SCMH1: variants seen among roughly 807,000 people sequenced by gnomAD.
SCMH1 encodes polycomb protein SCMH1.
Under a neutral mutation model 70.8 loss-of-function variants are expected in SCMH1, and 37 were observed. The observed-to-expected ratio is 0.52, with a 90% CI of 0.40 to 0.69. The LOEUF (loss-of-function observed/expected upper bound fraction) is 0.69, where lower values mean the gene tolerates loss of function less well. Ranked by LOEUF, SCMH1 falls within the 30% of genes least tolerant of loss-of-function variation. The pLI is 0.00. For synonymous variants in SCMH1, 292 were observed against 307.4 expected (o/e 0.95, Z 0.52); for missense variants, 607 against 827.3 (o/e 0.73, Z 3.27).
chr1:41,161,231 T>C, intron 3 of SCMH1, 133 bp downstream of exon 3: 1 of 1,396,648 alleles, frequency 7.2e-7, no homozygotes, highest in Non-Finnish European at 9.8e-7. Flanking sequence ...CCAATACCTC[T>C]GTAAACTGCA....
exon 9 of SCMH1, chr1:41,075,336 T>C (rs1291295208): frequency 6.2e-7 from 1 of 1,614,172 alleles, no homozygotes. Flanking sequence ...GCTTCTTTCC[T>C]GGTTTACGCC....
intron 1 of SCMH1, among the ~76,000 whole-genome samples, chr1:41,226,230 C>G (rs1284631825): frequency 6.6e-6 from 1 of 152,054 alleles, no homozygotes; most frequent in East Asian, 1.9e-4. Flanking sequence ...TTTTATTACA[C>G]TTACAAAATT....
chr1:41,227,340 G>A (rs1008637265), intron 1 of SCMH1, among the ~76,000 whole-genome samples: 3 of 152,096 alleles, frequency 2.0e-5, no homozygotes, highest in African/African-American at 4.8e-5. Context: ...TCACCTCCTC[G>A]TAGAGCACTA....
intron 9 of SCMH1, among the ~76,000 whole-genome samples, chr1:41,074,914 G>T (rs1348088661): frequency 6.6e-6 from 1 of 152,224 alleles, no homozygotes; most frequent in Admixed American, 6.5e-5. Context: ...CCAGGCTGCA[G>T]TGCAGTGGCA....
At chr1:41,077,200 G>A (rs534746753) in intron 8 of SCMH1, among the ~76,000 whole-genome samples, 1 of 152,258 alleles carries the variant, frequency 6.6e-6, no homozygotes, top group African/African-American at 2.4e-5. Context: ...GAATTCCAAG[G>A]GGTGGCCTCT....
intron 8 of SCMH1, among the ~76,000 whole-genome samples, chr1:41,075,736 T>G (rs1286664527): frequency 2.0e-5 from 3 of 152,164 alleles, no homozygotes; most frequent in Non-Finnish European, 2.9e-5. Context: ...GTGAAGTATA[T>G]AAATATTAAT....
chr1:41,048,321 A>G (rs1269131341), intron 11 of SCMH1, among the ~76,000 whole-genome samples: 1 of 152,238 alleles, frequency 6.6e-6, no homozygotes, highest in African/African-American at 2.4e-5. Context: ...AAGGAATGAT[A>G]GAGGAGTTCA....
At chr1:41,173,000 G>C (rs1457353366) in intron 2 of SCMH1, among the ~76,000 whole-genome samples, 1 of 151,690 alleles carries the variant, frequency 6.6e-6, no homozygotes, top group Non-Finnish European at 1.5e-5. Flanking sequence ...AAAAATGTAG[G>C]AGAAATGCTT....
chr1:41,092,981 T>G (rs543772861), intron 8 of SCMH1, among the ~76,000 whole-genome samples: 68 of 152,282 alleles, frequency 4.5e-4, no homozygotes, highest in African/African-American at 1.6e-3. Flanking sequence ...CTCAAGGATC[T>G]AGAACTAGAA....
At chr1:41,192,617 T>C (rs950284560) in intron 1 of SCMH1, among the ~76,000 whole-genome samples, 1 of 152,142 alleles carries the variant, frequency 6.6e-6, no homozygotes, top group African/African-American at 2.4e-5. Flanking sequence ...CCTTTGCTAC[T>C]ATTTAGGAAA....
chr1:41,116,310 T>G (rs1670459749), intron 7 of SCMH1, among the ~76,000 whole-genome samples: 1 of 152,214 alleles, frequency 6.6e-6, no homozygotes, highest in Non-Finnish European at 1.5e-5. Flanking sequence ...TTACAGTAAC[T>G]TTTACCCCAT....
intron 1 of SCMH1, among the ~76,000 whole-genome samples, chr1:41,221,320 T>C (rs1389468553): frequency 1.3e-5 from 2 of 151,980 alleles, no homozygotes; most frequent in Non-Finnish European, 2.9e-5. Flanking sequence ...ATCCTGGAAG[T>C]GGATGGTGGT....
At chr1:41,170,663 C>T (rs571992671) in intron 2 of SCMH1, among the ~76,000 whole-genome samples, 1 of 152,216 alleles carries the variant, frequency 6.6e-6, no homozygotes, top group African/African-American at 2.4e-5. Flanking sequence ...TCTCTTAATC[C>T]CACACATATC....
At chr1:41,112,727 A>T (rs893617993) in intron 8 of SCMH1, among the ~76,000 whole-genome samples, 5 of 152,230 alleles carry the variant, frequency 3.3e-5, no homozygotes, top group African/African-American at 1.2e-4. Flanking sequence ...ATAACTTCAT[A>T]AAGTAGGTTT....
chr1:41,183,242 A>G (rs1374563391), intron 2 of SCMH1, among the ~76,000 whole-genome samples: 3 of 152,206 alleles, frequency 2.0e-5, no homozygotes, highest in Non-Finnish European at 4.4e-5. Context: ...CACGTTGACC[A>G]ATAAAAACAG....
chr1:41,109,541 C>T (rs1294355893), intron 8 of SCMH1, among the ~76,000 whole-genome samples: 2 of 152,122 alleles, frequency 1.3e-5, no homozygotes, highest in East Asian at 3.8e-4. Flanking sequence ...TTATAGAAAG[C>T]GCTTTTGTAG....
chr1:41,054,606 GC>G (rs957184901), intron 10 of SCMH1, among the ~76,000 whole-genome samples: 1 of 152,200 alleles, frequency 6.6e-6, no homozygotes, highest in Non-Finnish European at 1.5e-5. Flanking sequence ...TTAAGGGCAA[GC>G]CTCACAGATT....
intron 10 of SCMH1, among the ~76,000 whole-genome samples, chr1:41,050,028 C>T (rs1647485197): frequency 6.6e-6 from 1 of 152,026 alleles, no homozygotes; most frequent in Non-Finnish European, 1.5e-5. Context: ...TGCACTCCAG[C>T]CTGGATGACA....
intron 12 of SCMH1, 86 bp downstream of exon 12, chr1:41,046,321 G>C: frequency 8.3e-7 from 1 of 1,203,008 alleles, no homozygotes; most frequent in Middle Eastern, 2.6e-4. Context: ...CAGGCCAGTA[G>C]TTCTGAAGGC....
Sources: allele counts gnomAD v4.1 joint callset (sites outside exome capture counted in the v4.1 genomes callset), GRCh38; gene constraint gnomAD v4.1.1; transcripts MANE v1.5; gene names NCBI Gene and HGNC (gene_info 2026-07-23, HGNC 2026-07-21).